Variants in TMEM163 observed in about 807,000 individuals in gnomAD.
The protein encoded by TMEM163 is transmembrane protein 163.
In TMEM163, 17 loss-of-function variants were observed where a neutral mutation model predicts 29.3. The ratio of observed to expected loss-of-function variants is 0.58; its 90% confidence interval spans 0.40 to 0.87. The LOEUF (loss-of-function observed/expected upper bound fraction) is 0.87, where lower values mean the gene tolerates loss of function less well. Among genes scored for constraint, TMEM163 ranks in the 40% least tolerant of loss-of-function variants. The pLI is 0.00. For synonymous variants in TMEM163, 157 were observed against 160.6 expected (o/e 0.98, Z 0.17); for missense variants, 303 against 381.5 (o/e 0.79, Z 1.71).
chr2:134,570,645 G>A (rs191057251), intron 2 of TMEM163, among the ~76,000 whole-genome samples: 14 of 152,132 alleles, frequency 9.2e-5, no homozygotes, highest in East Asian at 3.9e-4. Context: ...CCTATCCTGC[G>A]TCAGAGGAAA....
rs765519691 is a variant in TMEM163 at position 134,502,933 on chromosome 2, G to A, written c.523C>T (p.His175Tyr). The A allele has an allele frequency of 5.0e-6, 8 of 1,614,044 alleles. No homozygotes were observed. The highest frequency in any genetic ancestry group is 5.1e-6 in the Non-Finnish European group (6 of 1,179,984). ...SSICIVVKAI[H>Y]DLSTRLLPEV... is the part of the protein sequence containing the mutation. Reference sequence around the variant, plus strand: ...GGGAGCAGCCTAGTTGAGAGGTCATGGATGGCTTTGACCACTATACATATG... The same window carrying A: ...GGGAGCAGCCTAGTTGAGAGGTCATAGATGGCTTTGACCACTATACATATG... Residue 175 changes from histidine (H) to tyrosine (Y), a missense_variant, in exon 5 of 8, where the codon CAT (histidine) becomes TAT (tyrosine). Physicochemically the swap from His to Tyr is moderately conservative, Grantham distance 83. Around this residue, in one of 2 missense-constraint regions of TMEM163, gnomAD observed 203 missense variants for 294.3 expected, o/e 0.69. Coordinates refer to ENST00000281924, the MANE Select transcript of TMEM163 (RefSeq NM_030923.5).
At chr2:134,526,711 G>C (rs1286803111) in intron 4 of TMEM163, among the ~76,000 whole-genome samples, 2 of 152,154 alleles carry the variant, frequency 1.3e-5, no homozygotes, top group Admixed American at 6.5e-5. Flanking sequence ...CACCCAGCAG[G>C]GAAAATAGCC....
chr2:134,539,626 A>G (rs1164880725), intron 4 of TMEM163, among the ~76,000 whole-genome samples: 1 of 152,250 alleles, frequency 6.6e-6, no homozygotes, highest in Non-Finnish European at 1.5e-5. Flanking sequence ...TCTAAGGAGA[A>G]AGTCAGCATG....
intron 2 of TMEM163, among the ~76,000 whole-genome samples, chr2:134,646,932 G>A (rs1288569786): frequency 1.3e-5 from 2 of 152,150 alleles, no homozygotes; most frequent in Admixed American, 1.3e-4. Flanking sequence ...ATTGATAAGA[G>A]GCAAGTCAGC....
chr2:134,648,058 C>T (rs1683375379), intron 2 of TMEM163, among the ~76,000 whole-genome samples: 1 of 152,122 alleles, frequency 6.6e-6, no homozygotes. Context: ...TGTCCAGCGT[C>T]CAGGAGGAAT....
intron 2 of TMEM163, 89 bp downstream of exon 2, chr2:134,713,111 A>C (rs906102781): frequency 6.5e-7 from 1 of 1,544,192 alleles, no homozygotes; most frequent in Non-Finnish European, 8.7e-7. Context: ...AATAATAGTC[A>C]ACTAAAAGCA....
chr2:134,614,242 A>G (rs1472141805), intron 2 of TMEM163, among the ~76,000 whole-genome samples: 1 of 152,176 alleles, frequency 6.6e-6, no homozygotes, highest in African/African-American at 2.4e-5. Flanking sequence ...TTTTCAACAT[A>G]CAATGATGGA....
rs569016844 is a variant in TMEM163, at chr2:134,625,428, G to GCA, written c.323-73339_323-73338dup. Among the ~76,000 whole-genome samples the GCA allele has an allele frequency of 2.8e-3, 430 of 152,312 alleles. 4 individuals are homozygous for GCA. Among genetic ancestry groups the GCA allele is most frequent in the African/African-American group, 9.5e-3 (395 of 41,564 alleles). ...AGCCATTTCATAATGGAACCGTGAT[G>GCA]CACACACATATGTATTGCTTTCCAT... is the stretch of plus-strand genomic sequence containing the variant. On this transcript the variant is annotated intron_variant, in intron 2 of 7. Transcript: ENST00000281924.
intron 2 of TMEM163, among the ~76,000 whole-genome samples, chr2:134,606,683 G>A (rs1209861156): frequency 6.6e-6 from 1 of 152,178 alleles, no homozygotes; most frequent in African/African-American, 2.4e-5. Flanking sequence ...GTGGCAACCG[G>A]CCAGTGGAAG....
intron 5 of TMEM163, among the ~76,000 whole-genome samples, chr2:134,493,360 G>GTTTTTT (rs1484513661): frequency 3.0e-5 from 2 of 65,592 alleles, no homozygotes; most frequent in African/African-American, 1.8e-4. Flanking sequence ...AGCTTTTGGT[G>GTTTTTT]TCTTTTTTTT....
chr2:134,530,340 A>C (rs1179131565), intron 4 of TMEM163, among the ~76,000 whole-genome samples: 1 of 152,100 alleles, frequency 6.6e-6, no homozygotes, highest in Non-Finnish European at 1.5e-5. Flanking sequence ...GGTGTGATTA[A>C]GGTTCACTGT....
chr2:134,713,750 T>TG, intron 1 of TMEM163: 1 of 452,218 alleles, frequency 2.2e-6, no homozygotes, highest in South Asian at 1.6e-5. Flanking sequence ...CTGTGAGCAT[T>TG]GATTCACCAG....
intron 5 of TMEM163, among the ~76,000 whole-genome samples, chr2:134,482,188 C>T (rs189081593): frequency 3.2e-4 from 48 of 152,286 alleles, no homozygotes; most frequent in Middle Eastern, 6.8e-3. Context: ...GATAAGACAA[C>T]GATGAGTTGT....
chr2:134,587,563 CA>C, intron 2 of TMEM163, among the ~76,000 whole-genome samples: 1 of 152,198 alleles, frequency 6.6e-6, no homozygotes, highest in East Asian at 1.9e-4. Context: ...CCTAAGAAGA[CA>C]CAAGAGAACC....
chr2:134,717,400 G>A (rs779130962), intron 1 of TMEM163, among the ~76,000 whole-genome samples: 17 of 152,206 alleles, frequency 1.1e-4, no homozygotes, highest in Non-Finnish European at 2.2e-4. Context: ...AACTGCAACA[G>A]AGGTGCAGAA....
chr2:134,597,260 T>G (rs186853764), intron 2 of TMEM163, among the ~76,000 whole-genome samples: 4,069 of 152,330 alleles, frequency 0.027, 192 homozygotes, highest in African/African-American at 0.093. Context: ...TTGTCATAGA[T>G]AGCTCTTATT....
At chr2:134,522,223 G>A (rs1431736311) in intron 4 of TMEM163, among the ~76,000 whole-genome samples, 1 of 152,196 alleles carries the variant, frequency 6.6e-6, no homozygotes, top group African/African-American at 2.4e-5. Flanking sequence ...GTCTGCCCAG[G>A]CACAATTACT....
At chr2:134,576,130 A>T (rs1287706923) in intron 2 of TMEM163, among the ~76,000 whole-genome samples, 1 of 152,164 alleles carries the variant, frequency 6.6e-6, no homozygotes, top group African/African-American at 2.4e-5. Context: ...AAGGTATTTG[A>T]CTGGTCAGCT....
At position 134,460,134 on chromosome 2, in the gene TMEM163, G is replaced by A. The variant is rs1686502339; in HGVS notation, c.668-1961C>T. ...GATCCCTGCTCTGTCCTGGCCACCT[G>A]TGGCCCTCCCTGTACCCCGCCACAG... On this transcript the variant is annotated intron_variant, in intron 6 of 7. Transcript: ENST00000281924. This position sits in a 1 kb window ranked among gnomAD's most constrained non-coding sequence, Gnocchi z 4.3. Among the ~76,000 whole-genome samples the A allele has an allele frequency of 7.7e-6, 1 of 130,464 alleles. No individual in the cohort carries two copies. Among genetic ancestry groups the A allele is most frequent in the Admixed American group, 8.9e-5 (1 of 11,204 alleles). 85.6% of individuals were successfully genotyped at this position (130,464 alleles called of 152,430 possible). A position where few individuals can be genotyped will look rare whatever the true frequency, so the allele number is the denominator to read the frequency against.
Sources: gnomAD v4.1 joint callset for allele counts (sites outside exome capture counted in the v4.1 genomes callset) on GRCh38, gnomAD v4.1.1 for gene constraint, gnomAD v4.1.1 regional missense constraint, Gnocchi (gnomAD v3.1) non-coding constraint, MANE v1.5 for transcripts, NCBI Gene and HGNC (gene_info 2026-07-23, HGNC 2026-07-21) for gene names.